The following PPP1R9A variants were observed in gnomAD, a reference collection of about 807,000 sequenced individuals.
PPP1R9A encodes protein phosphatase 1 regulatory subunit 9A.
Under a neutral mutation model 141.9 loss-of-function variants are expected in PPP1R9A, and 59 were observed. The ratio of observed to expected loss-of-function variants is 0.42; its 90% CI spans 0.34 to 0.52. PPP1R9A has a LOEUF of 0.52. Among genes scored for constraint, PPP1R9A ranks in the 20% least tolerant of loss-of-function variants. The probability of loss-of-function intolerance (pLI) is 0.10; values close to 1 mark genes in which losing one functional copy is unlikely to be tolerated. For missense variants in PPP1R9A, 1,444 were observed against 1,611.9 expected, an observed-to-expected ratio of 0.90 and a Z score of 1.78; for synonymous variants, 500 against 569.7, an observed-to-expected ratio of 0.88 and a Z score of 1.74.
intron 2 of PPP1R9A, among the ~76,000 whole-genome samples, chr7:94,916,346 G>A (rs1426839661): frequency 1.3e-5 from 2 of 152,308 alleles, no homozygotes; most frequent in Non-Finnish European, 2.9e-5. Flanking sequence ...AAGCTCTCAA[G>A]TGGTGCCGAT....
chr7:95,071,187 A>G (rs574850581), intron 2 of PPP1R9A, among the ~76,000 whole-genome samples: 1 of 152,156 alleles, frequency 6.6e-6, no homozygotes, highest in East Asian at 1.9e-4. Context: ...ATCTCATTAT[A>G]GGAAATTTTA....
Position 95,286,289 on chromosome 7 carries a change from A to G in PPP1R9A, c.3693A>G (p.Pro1231=), listed in dbSNP as rs1420015667. 1 of 1,613,548 alleles carries G rather than the reference A, an allele frequency of 6.2e-7. No individual in the cohort carries two copies. The highest frequency in any genetic ancestry group is 1.7e-5 in the Admixed American group (1 of 59,976). Residue 1231 remains proline (P), a synonymous_variant, in exon 18 of 20, where the codon CCA becomes CCG. Coordinates refer to ENST00000433360, the MANE Select transcript of PPP1R9A (RefSeq NM_001166160.2). The stretch of plus-strand genomic sequence containing the variant: ...GCTTAGGAGCAGAACCTAAAACACC[A>G]GGGCTCTCTCAGTCCTTAGCACTGT... ...LSGLGAEPKT[P]GLSQSLALSS... is the part of the protein sequence containing the mutation.
intron 8 of PPP1R9A, among the ~76,000 whole-genome samples, chr7:95,244,305 G>A (rs1456758345): frequency 2.0e-5 from 3 of 152,032 alleles, no homozygotes; most frequent in East Asian, 1.9e-4. Context: ...GTTTTACCTG[G>A]GTTTGTCCCA....
chr7:94,907,483 C>T (rs116036043), upstream of PPP1R9A, among the ~76,000 whole-genome samples: 878 of 152,198 alleles, frequency 5.8e-3, 7 homozygotes, highest in African/African-American at 0.02. Flanking sequence ...AGCGGTCAGC[C>T]CCAGAACCAA....
chr7:95,053,234 A>G (rs1429212496), intron 2 of PPP1R9A, among the ~76,000 whole-genome samples: 2 of 152,258 alleles, frequency 1.3e-5, no homozygotes, highest in Non-Finnish European at 2.9e-5. Context: ...TAAAGTGATT[A>G]AAGTTTTCAT....
intron 2 of PPP1R9A, among the ~76,000 whole-genome samples, chr7:94,953,384 A>G (rs2151052820): frequency 6.6e-6 from 1 of 152,282 alleles, no homozygotes; most frequent in South Asian, 2.1e-4. Flanking sequence ...ATTTGAAGTC[A>G]GGTAGCATGA....
chr7:95,171,741 G>T (rs556240614), intron 5 of PPP1R9A, among the ~76,000 whole-genome samples: 22 of 151,692 alleles, frequency 1.5e-4, no homozygotes, highest in African/African-American at 4.8e-4. Context: ...CTTAGCATTA[G>T]ATGGAGAAAT....
chr7:95,220,309 C>T (rs371582030), intron 7 of PPP1R9A, among the ~76,000 whole-genome samples: 11 of 152,066 alleles, frequency 7.2e-5, no homozygotes, highest in African/African-American at 2.2e-4. Flanking sequence ...CACAGAAGTG[C>T]GTCTGAAAAT....
At chr7:94,943,258 C>T (rs576744891) in intron 2 of PPP1R9A, among the ~76,000 whole-genome samples, 2 of 152,276 alleles carry the variant, frequency 1.3e-5, no homozygotes, top group South Asian at 4.1e-4. Flanking sequence ...AATATCTCCC[C>T]AGAGGGGTAT....
At chr7:94,922,405 A>G (rs1428837702) in intron 2 of PPP1R9A, among the ~76,000 whole-genome samples, 3 of 152,004 alleles carry the variant, frequency 2.0e-5, no homozygotes, top group African/African-American at 7.2e-5. Context: ...GGCTTTTTTG[A>G]TATGACTTCT....
intron 2 of PPP1R9A, among the ~76,000 whole-genome samples, chr7:95,024,706 C>G (rs1013588067): frequency 1.3e-5 from 2 of 152,098 alleles, no homozygotes; most frequent in Non-Finnish European, 2.9e-5. Context: ...ATACAGCACA[C>G]CGATAGGTTT....
At chr7:95,252,255 G>A (rs1057457047) in intron 12 of PPP1R9A, 125 bp downstream of exon 12, 2 of 1,106,380 alleles carry the variant, frequency 1.8e-6, no homozygotes, top group Admixed American at 3.5e-5. Flanking sequence ...AGAAGAAAAG[G>A]CTTATCAAAA....
At chr7:95,011,986 T>C (rs1042266376) in intron 2 of PPP1R9A, among the ~76,000 whole-genome samples, 3 of 152,208 alleles carry the variant, frequency 2.0e-5, no homozygotes, top group African/African-American at 4.8e-5. Context: ...AGAAAGGTTT[T>C]AGTTGACTGC....
chr7:95,092,818 A>G (rs1189571510), intron 2 of PPP1R9A, among the ~76,000 whole-genome samples: 5 of 152,230 alleles, frequency 3.3e-5, no homozygotes, highest in Admixed American at 3.3e-4. Flanking sequence ...TTGTCATAGG[A>G]AAGTTCCAAG....
intron 2 of PPP1R9A, among the ~76,000 whole-genome samples, chr7:94,960,174 T>C (rs1797473081): frequency 6.6e-6 from 1 of 151,246 alleles, no homozygotes; most frequent in South Asian, 2.1e-4. Flanking sequence ...TCTCTCTTTT[T>C]TTTTTTTTTT....
chr7:95,149,113 AG>A (rs562754898), intron 4 of PPP1R9A, among the ~76,000 whole-genome samples: 221 of 152,232 alleles, frequency 1.5e-3, no homozygotes, highest in African/African-American at 5.2e-3. Flanking sequence ...CAATGAATAT[AG>A]TCCATCACAT....
rs940730323 is a variant in PPP1R9A, at chr7:95,295,278, A to T, written c.*4975A>T. Reference sequence around the variant, plus strand: ...AGATTTTAAGAGATTTTTTTATTGTAAGTATTTCTACTAAATGCACTTATC... The same window carrying T: ...AGATTTTAAGAGATTTTTTTATTGTTAGTATTTCTACTAAATGCACTTATC... On this transcript the variant is annotated 3_prime_UTR_variant, in exon 20 of 20. Coordinates refer to ENST00000433360, the MANE Select transcript of PPP1R9A (RefSeq NM_001166160.2). The T allele has an allele frequency of 5.2e-5, 8 of 152,630 alleles. No individual in the cohort carries two copies. The highest frequency in any genetic ancestry group is 7.3e-5 in the Non-Finnish European group (5 of 68,028). 9.5% of individuals were successfully genotyped at this position (152,630 alleles called of 1,614,324 possible).
chr7:95,290,458 TGCA>T lies in PPP1R9A; in HGVS notation c.*156_*158del. On this transcript the variant is annotated 3_prime_UTR_variant, in exon 20 of 20. Transcript: ENST00000433360. ...CTGTGTGTTGAATAACTGCATTTTC[TGCA>T]ATAGAATGCACTCTTAATTTTAACT... 2.6e-6 allele frequency: 2 copies of T among 782,258 alleles called. No homozygotes were observed. The highest frequency in any genetic ancestry group is 4.0e-6 in the Non-Finnish European group (2 of 504,168). 48.5% of individuals were successfully genotyped at this position (782,258 alleles called of 1,614,324 possible).
At chr7:94,955,493 T>C (rs1374751897) in intron 2 of PPP1R9A, among the ~76,000 whole-genome samples, 1 of 152,124 alleles carries the variant, frequency 6.6e-6, no homozygotes, top group Non-Finnish European at 1.5e-5. Context: ...TTATTCCCAC[T>C]GGATAGTACT....
Sources: gnomAD v4.1 joint callset for allele counts (sites outside exome capture counted in the v4.1 genomes callset) on GRCh38, gnomAD v4.1.1 for gene constraint, MANE v1.5 for transcripts, NCBI Gene and HGNC (gene_info 2026-07-23, HGNC 2026-07-21) for gene names.